The following GSE1 variants were observed in gnomAD, a reference collection of about 807,000 sequenced individuals.
The protein encoded by GSE1 is Gse1 coiled-coil protein, also known as genetic suppressor element 1.
A neutral mutation model predicts 112.6 loss-of-function variants in GSE1; 32 were observed. The observed-to-expected ratio is 0.28, with a 90% confidence interval of 0.21 to 0.38. The LOEUF (loss-of-function observed/expected upper bound fraction) is 0.38. GSE1 is among the 10% of genes least tolerant of loss of function. The probability of loss-of-function intolerance (pLI) is 1.00; values close to 1 mark genes in which losing one functional copy is unlikely to be tolerated. For missense variants in GSE1, 2,348 were observed against 1,699.2 expected, an observed-to-expected ratio of 1.38 and a Z score of -6.71; for synonymous variants, 1,115 against 735.6, an observed-to-expected ratio of 1.52 and a Z score of -8.35.
At chr16:85,270,097 T>C (rs553423867) in intron 1 of GSE1, among the ~76,000 whole-genome samples, 2 of 149,356 alleles carry the variant, frequency 1.3e-5, no homozygotes, top group Admixed American at 1.3e-4. Flanking sequence ...TACCTTCTGC[T>C]GTGGAGCCTA....
At chr16:85,215,179 C>G (rs1240507585) in intron 1 of GSE1, among the ~76,000 whole-genome samples, 1 of 152,206 alleles carries the variant, frequency 6.6e-6, no homozygotes, top group Non-Finnish European at 1.5e-5. Context: ...GATCCCTGCT[C>G]CTCAGCTCTG....
At chr16:85,183,457 G>A (rs1289998719) in intron 1 of GSE1, among the ~76,000 whole-genome samples, 1 of 152,200 alleles carries the variant, frequency 6.6e-6, no homozygotes, top group Non-Finnish European at 1.5e-5. Context: ...GGGTTGGAGA[G>A]GCTGGTGTTC....
At chr16:85,643,404 C>T (rs534232110) in intron 2 of GSE1, among the ~76,000 whole-genome samples, 73 of 152,306 alleles carry the variant, frequency 4.8e-4, no homozygotes, top group African/African-American at 1.7e-3. Context: ...GAGTAGCACC[C>T]GCCAGCGGGG....
At chr16:85,629,425 T>C (rs1262133931) in intron 1 of GSE1, among the ~76,000 whole-genome samples, 1 of 152,080 alleles carries the variant, frequency 6.6e-6, no homozygotes, top group Non-Finnish European at 1.5e-5. Context: ...TGCCCCACGT[T>C]CCCCTTTTGC....
At chr16:85,278,292 C>T (rs1909574456) in intron 1 of GSE1, among the ~76,000 whole-genome samples, 1 of 152,222 alleles carries the variant, frequency 6.6e-6, no homozygotes, top group South Asian at 2.1e-4. Flanking sequence ...GTAGTGAGGC[C>T]ACACTGGCGG....
intron 1 of GSE1, among the ~76,000 whole-genome samples, chr16:85,327,966 G>A (rs879734869): frequency 2.6e-5 from 4 of 152,108 alleles, no homozygotes; most frequent in Non-Finnish European, 5.9e-5. Context: ...CCCCCAGATC[G>A]CCTGGTACAG....
At chr16:85,596,060 C>A (rs989254543) in intron 1 of GSE1, among the ~76,000 whole-genome samples, 2 of 151,254 alleles carry the variant, frequency 1.3e-5, no homozygotes, top group African/African-American at 2.4e-5. Context: ...CTCCGTCCAC[C>A]CCTGAACCCA....
intron 1 of GSE1, among the ~76,000 whole-genome samples, chr16:85,297,384 T>C (rs1046564342): frequency 1.3e-5 from 2 of 152,252 alleles, no homozygotes; most frequent in African/African-American, 4.8e-5. Context: ...GCAAAGCATC[T>C]GTAAATCCCT....
At chr16:85,329,048 T>G (rs892111250) in intron 1 of GSE1, among the ~76,000 whole-genome samples, 53 of 152,216 alleles carry the variant, frequency 3.5e-4, no homozygotes, top group Non-Finnish European at 1.3e-4. Flanking sequence ...CCGCCCCTAG[T>G]GGAGCCAGAA....
intron 2 of GSE1, among the ~76,000 whole-genome samples, chr16:85,444,315 A>G (rs923264932): frequency 6.6e-6 from 1 of 152,192 alleles, no homozygotes; most frequent in African/African-American, 2.4e-5. Flanking sequence ...CCCAAAGGAC[A>G]TAAGCAAAGG....
intron 1 of GSE1, among the ~76,000 whole-genome samples, chr16:85,320,385 G>T (rs1450712824): frequency 1.3e-5 from 2 of 152,222 alleles, no homozygotes; most frequent in Non-Finnish European, 2.9e-5. Flanking sequence ...TTTTCACCTG[G>T]TGAATCCAAG....
intron 2 of GSE1, among the ~76,000 whole-genome samples, chr16:85,510,746 G>A (rs962398198): frequency 6.6e-6 from 1 of 152,026 alleles, no homozygotes; most frequent in East Asian, 1.9e-4. Context: ...AGCCCCCCGC[G>A]ACCCCTGCAG....
chr16:85,255,669 C>T (rs1049795494), intron 1 of GSE1, among the ~76,000 whole-genome samples: 5 of 152,200 alleles, frequency 3.3e-5, no homozygotes, highest in Admixed American at 6.5e-5. Context: ...TCCCAAAGTG[C>T]TGGGATTACA....
At chr16:85,663,171 AC>A in intron 10 of GSE1, 78 bp downstream of exon 10, 1 of 1,245,342 alleles carries the variant, frequency 8.0e-7, no homozygotes, top group Non-Finnish European at 1.2e-6. Flanking sequence ...AGTCCACCCC[AC>A]TGTTGCTAGG....
At chr16:85,559,263 T>C (rs928557410) in intron 1 of GSE1, among the ~76,000 whole-genome samples, 2 of 152,312 alleles carry the variant, frequency 1.3e-5, no homozygotes, top group South Asian at 2.1e-4. Context: ...CACCCACTTA[T>C]CAGATGAGCA....
chr16:85,652,324 G>GCTGACACC (rs1375639067), intron 3 of GSE1, among the ~76,000 whole-genome samples: 1 of 152,250 alleles, frequency 6.6e-6, no homozygotes, highest in Non-Finnish European at 1.5e-5. Flanking sequence ...TACCCCGGTT[G>GCTGACACC]CTGACACCGG....
At chr16:85,364,098 G>T (rs187031789) in intron 2 of GSE1, among the ~76,000 whole-genome samples, 1 of 152,194 alleles carries the variant, frequency 6.6e-6, no homozygotes, top group South Asian at 2.1e-4. Context: ...CAAAAATCCC[G>T]ATGTGGGCAG....
At chr16:85,499,946 T>C (rs2051306946) in intron 2 of GSE1, among the ~76,000 whole-genome samples, 2 of 152,252 alleles carry the variant, frequency 1.3e-5, no homozygotes, top group African/African-American at 4.8e-5. Context: ...GTTTCTTCAT[T>C]TGGATTCCAG....
intron 1 of GSE1, among the ~76,000 whole-genome samples, chr16:85,205,528 G>T (rs2075099990): frequency 6.6e-6 from 1 of 152,228 alleles, no homozygotes; most frequent in African/African-American, 2.4e-5. Context: ...GTCACAGCAG[G>T]CTGGGCTTTG....
Sources: gnomAD v4.1 joint callset for allele counts (sites outside exome capture counted in the v4.1 genomes callset) on GRCh38, gnomAD v4.1.1 for gene constraint, MANE v1.5 for transcripts, NCBI Gene and HGNC (gene_info 2026-07-23, HGNC 2026-07-21) for gene names.